SOX6: variants seen among roughly 807,000 people sequenced by gnomAD.
The protein encoded by SOX6 is transcription factor SOX-6.
Under a neutral mutation model 97.8 loss-of-function variants are expected in SOX6, and 11 were observed. The ratio of observed to expected loss-of-function variants is 0.11; its 90% CI spans 0.07 to 0.19. The LOEUF (loss-of-function observed/expected upper bound fraction) is 0.19, where lower values mean the gene tolerates loss of function less well. Ranked by LOEUF, SOX6 falls within the 10% of genes least tolerant of loss-of-function variation. The pLI is 1.00. For synonymous variants in SOX6, 360 were observed against 371.4 expected (o/e 0.97, Z 0.35); for missense variants, 810 against 1,039.5 (o/e 0.78, Z 3.04).
chr11:16,016,179 C>A (rs1390051299), intron 12 of SOX6, among the ~76,000 whole-genome samples: 1 of 152,018 alleles, frequency 6.6e-6, no homozygotes, highest in Non-Finnish European at 1.5e-5. Flanking sequence ...TTGATAGAGT[C>A]TCTGCCTCAT....
intron 9 of SOX6, among the ~76,000 whole-genome samples, chr11:16,078,181 G>A (rs189262377): frequency 3.2e-4 from 48 of 152,260 alleles, no homozygotes; most frequent in African/African-American, 1.1e-3. Flanking sequence ...TCCAAGAGCT[G>A]GGCAGACCAT....
chr11:16,484,461 C>T (rs879168276), intron 4 of SOX6: 45 of 805,576 alleles, frequency 5.6e-5, no homozygotes, highest in South Asian at 5.4e-4. Flanking sequence ...AAGAGCTCCT[C>T]GCACTTCACC....
chr11:16,201,940 T>C (rs1312577966), intron 4 of SOX6, among the ~76,000 whole-genome samples: 1 of 152,042 alleles, frequency 6.6e-6, no homozygotes, highest in Admixed American at 6.6e-5. Context: ...GCCTGCAAAG[T>C]ATTTTTAAGA....
chr11:16,365,290 T>TGTGC (rs1857326697), intron 1 of SOX6, among the ~76,000 whole-genome samples: 1 of 149,726 alleles, frequency 6.7e-6, no homozygotes, highest in South Asian at 2.1e-4. Context: ...AAGTACTGTG[T>TGTGC]GTGTGTGTGT....
At chr11:16,453,607 A>G (rs1413108983) in intron 1 of SOX6, among the ~76,000 whole-genome samples, 1 of 152,184 alleles carries the variant, frequency 6.6e-6, no homozygotes, top group East Asian at 1.9e-4. Context: ...AGAAAAATGA[A>G]TTAAACTCTT....
chr11:16,093,215 A>G lies in SOX6; in HGVS notation c.1101+2781T>C, dbSNP rs114052589. On this transcript the variant is annotated intron_variant, in intron 9 of 15. Coordinates refer to ENST00000683767, the MANE Select transcript of SOX6 (RefSeq NM_001367873.1). ...CAAAATTAATGGTTCAAACCCCTCA[A>G]CCTTCAGATATATGAGTATTCATGC... 1.5e-3 allele frequency among the ~76,000 whole-genome samples: 231 copies of G among 152,006 alleles called. 1 individual carries two copies. Among genetic ancestry groups the G allele is most frequent in the African/African-American group, 5.1e-3 (213 of 41,516 alleles).
intron 1 of SOX6, among the ~76,000 whole-genome samples, chr11:16,447,998 G>T (rs1245765870): frequency 6.6e-6 from 1 of 152,288 alleles, no homozygotes; most frequent in Non-Finnish European, 1.5e-5. Flanking sequence ...TACAGTTCTT[G>T]TTCCCTGGCA....
At chr11:16,000,229 G>A (rs923667614) in intron 13 of SOX6, among the ~76,000 whole-genome samples, 2 of 152,198 alleles carry the variant, frequency 1.3e-5, no homozygotes, top group African/African-American at 4.8e-5. Flanking sequence ...CTATCCTAGT[G>A]GTTTGTTTGG....
chr11:16,283,089 G>GTATGTATA (rs1554952963), intron 3 of SOX6, among the ~76,000 whole-genome samples: 1 of 113,710 alleles, frequency 8.8e-6, no homozygotes, highest in African/African-American at 3.5e-5. Context: ...TATATAATTT[G>GTATGTATA]TATATATATA....
At position 16,437,386 on chromosome 11, in the gene SOX6, T is replaced by A. The variant is rs565550235; in HGVS notation, c.-5+38929A>T. Reference sequence around the variant, plus strand: ...CAGTATATATTTTCCCATATCCCCATACCCAACCCCACTAGATTGTGAGCT... The same window carrying A: ...CAGTATATATTTTCCCATATCCCCAAACCCAACCCCACTAGATTGTGAGCT... On this transcript the variant is annotated intron_variant, in intron 1 of 15. Coordinates refer to the SOX6 transcript ENST00000396356. Among the ~76,000 whole-genome samples, 56 of 152,170 alleles carry A rather than the reference T, an allele frequency of 3.7e-4. No individual in the cohort carries two copies. The South Asian group carries it at 0.012, about 32-fold the overall frequency.
intron 13 of SOX6, among the ~76,000 whole-genome samples, chr11:16,001,692 T>C (rs1791667176): frequency 6.6e-6 from 1 of 152,186 alleles, no homozygotes. Flanking sequence ...CACTGTCTAA[T>C]TGTTCTCTGA....
rs188310080 is a variant in SOX6 at position 16,629,302 on chromosome 11, G to A, written n.430-17042C>T. On this transcript the variant is annotated intron_variant and non_coding_transcript_variant, in intron 3 of 5. Coordinates refer to the SOX6 transcript ENST00000524520. ...CTAGTTTCTTGAGAATTTTTACCAC[G>A]AAGCGATGTTGGATTTTATCAAAAG... Among the ~76,000 whole-genome samples the A allele has an allele frequency of 2.8e-3, 429 of 152,274 alleles. 1 individual carries two copies. The highest frequency in any genetic ancestry group is 0.015 in the South Asian group (74 of 4,826).
chr11:16,284,855 A>G (rs1275089440), intron 3 of SOX6, among the ~76,000 whole-genome samples: 2 of 152,114 alleles, frequency 1.3e-5, no homozygotes, highest in African/African-American at 4.8e-5. Flanking sequence ...CACTGTGCTC[A>G]TTTAATCTGC....
chr11:16,560,528 CATATATGTTTATACGT>C, intron 4 of SOX6, among the ~76,000 whole-genome samples: 1 of 99,300 alleles, frequency 1.0e-5, no homozygotes, highest in South Asian at 3.3e-4. Context: ...TTTATACGTA[CATATATGTTTATACGT>C]ACATATGTTT....
chr11:16,161,240 A>T (rs549774258), intron 6 of SOX6, among the ~76,000 whole-genome samples: 18 of 152,026 alleles, frequency 1.2e-4, no homozygotes, highest in South Asian at 2.1e-4. Flanking sequence ...CAACATTAGT[A>T]CACCTATTTC....
At chr11:16,062,506 A>G (rs1028315403) in intron 9 of SOX6, among the ~76,000 whole-genome samples, 12 of 151,792 alleles carry the variant, frequency 7.9e-5, no homozygotes, top group African/African-American at 2.2e-4. Context: ...AGTAAAGCTT[A>G]TGACAGGCTT....
intron 2 of SOX6, among the ~76,000 whole-genome samples, chr11:16,719,248 C>T (rs1230743178): frequency 6.6e-6 from 1 of 152,082 alleles, no homozygotes; most frequent in Admixed American, 6.6e-5. Flanking sequence ...TGGATAAAGT[C>T]CATTTGCATT....
At chr11:16,349,354 T>A (rs1025190607) in intron 1 of SOX6, among the ~76,000 whole-genome samples, 1 of 152,094 alleles carries the variant, frequency 6.6e-6, no homozygotes, top group South Asian at 2.1e-4. Flanking sequence ...AGGTGGCTCA[T>A]GCCTGTAATC....
chr11:15,981,819 A>G (rs2119817114), intron 15 of SOX6, among the ~76,000 whole-genome samples: 1 of 152,238 alleles, frequency 6.6e-6, no homozygotes, highest in East Asian at 1.9e-4. Context: ...CTTGGCACAC[A>G]GTATTATTTT....
Sources: gnomAD v4.1 joint callset for allele counts (sites outside exome capture counted in the v4.1 genomes callset) on GRCh38, gnomAD v4.1.1 for gene constraint, MANE v1.5 for transcripts, NCBI Gene and HGNC (gene_info 2026-07-23, HGNC 2026-07-21) for gene names.